The following CNNM2 variants were observed in gnomAD, a reference collection of about 807,000 sequenced individuals.
The protein encoded by CNNM2 is metal transporter CNNM2.
CNNM2 carries 12 observed loss-of-function variants against 66.9 expected under a neutral mutation model. The ratio of observed to expected loss-of-function variants is 0.18; its 90% CI spans 0.11 to 0.29. The LOEUF (loss-of-function observed/expected upper bound fraction) is 0.29. CNNM2 is among the 10% of genes least tolerant of loss of function. The probability of loss-of-function intolerance (pLI) is 1.00; values close to 1 mark genes in which losing one functional copy is unlikely to be tolerated. For missense variants in CNNM2, 705 were observed against 1,167.7 expected (o/e 0.60, Z 5.77); for synonymous variants, 557 against 501.8 (o/e 1.11, Z -1.47).
intron 1 of CNNM2, among the ~76,000 whole-genome samples, chr10:102,981,128 G>T (rs917721064): frequency 6.6e-6 from 1 of 151,936 alleles, no homozygotes; most frequent in African/African-American, 2.4e-5. Flanking sequence ...ACAGGTGATC[G>T]CTTGAGTCCA....
At chr10:102,995,795 C>T (rs567659368) in intron 1 of CNNM2, among the ~76,000 whole-genome samples, 3 of 151,698 alleles carry the variant, frequency 2.0e-5, no homozygotes, top group Non-Finnish European at 4.4e-5. Context: ...GGCGTGATCT[C>T]GGCTCACCAC....
At chr10:102,945,361 G>A (rs186465286) in intron 1 of CNNM2, among the ~76,000 whole-genome samples, 1 of 152,242 alleles carries the variant, frequency 6.6e-6, no homozygotes, top group Non-Finnish European at 1.5e-5. Flanking sequence ...TTCTTATCTA[G>A]TGCTATTTCC....
chr10:103,031,364 A>C (rs1208737068), intron 1 of CNNM2, among the ~76,000 whole-genome samples: 1 of 151,650 alleles, frequency 6.6e-6, no homozygotes, highest in Non-Finnish European at 1.5e-5. Context: ...GTGGATATAC[A>C]CTTTGTTTGA....
At position 103,081,725 on chromosome 10, in the gene CNNM2, T is replaced by C. The variant is rs2065759503; in HGVS notation, c.*4545T>C. The C allele has an allele frequency of 6.6e-6, 1 of 152,252 alleles. No individual in the cohort carries two copies. Among genetic ancestry groups the C allele is most frequent in the Admixed American group, 6.5e-5 (1 of 15,286 alleles). The allele number at this position is 152,252 out of a possible 1,614,324, so 9.4% of individuals were successfully genotyped here. ...GCACTTGCAAGCTTTCTGTCTGCGA[T>C]CACGGTTTACTTGCCCATTTCCCTT... On this transcript the variant is annotated 3_prime_UTR_variant, in exon 8 of 8. Coordinates refer to ENST00000369878, the MANE Select transcript of CNNM2 (RefSeq NM_017649.5).
chr10:103,031,137 T>G (rs944264458), intron 1 of CNNM2, among the ~76,000 whole-genome samples: 1 of 152,202 alleles, frequency 6.6e-6, no homozygotes, highest in African/African-American at 2.4e-5. Context: ...AAGCTAAAGC[T>G]TAAGTGCTCA....
chr10:102,946,497 C>A (rs552878019), intron 1 of CNNM2, among the ~76,000 whole-genome samples: 2 of 152,158 alleles, frequency 1.3e-5, no homozygotes, highest in East Asian at 3.9e-4. Context: ...AAGTCTCTCA[C>A]GGGGGTAATT....
chr10:102,999,378 G>A (rs1377271108), intron 1 of CNNM2, among the ~76,000 whole-genome samples: 4 of 151,326 alleles, frequency 2.6e-5, no homozygotes, highest in Non-Finnish European at 4.4e-5. Flanking sequence ...CACTGCACCC[G>A]GCCAAAAATT....
Position 103,036,909 on chromosome 10 carries a change from G to A in CNNM2, c.1622-12798G>A, listed in dbSNP as rs532909312. On this transcript the variant is annotated intron_variant, in intron 1 of 7. Coordinates refer to ENST00000369878, the MANE Select transcript of CNNM2 (RefSeq NM_017649.5). The stretch of plus-strand genomic sequence containing the variant: ...GGGTATGGCTATAAAAGGGAAATAG[G>A]AAGGTCATTGTGGTGGTAGAAGTGT... Among the ~76,000 whole-genome samples the A allele has an allele frequency of 1.1e-4, 16 of 152,230 alleles. No homozygotes were observed. The South Asian group carries it at 3.3e-3, about 32-fold the overall frequency.
chr10:103,026,150 A>G (rs1175245954), intron 1 of CNNM2, among the ~76,000 whole-genome samples: 2 of 152,206 alleles, frequency 1.3e-5, no homozygotes, highest in Admixed American at 6.5e-5. Context: ...TCCAAACTGT[A>G]AGAAATCTGT....
intron 1 of CNNM2, among the ~76,000 whole-genome samples, chr10:102,935,478 ATCTT>A (rs1846204808): frequency 6.6e-6 from 1 of 151,986 alleles, no homozygotes; most frequent in African/African-American, 2.4e-5. Context: ...CTTTTGTAGT[ATCTT>A]TCTTCTCCAC....
At chr10:103,010,416 G>C (rs567918730) in intron 1 of CNNM2, among the ~76,000 whole-genome samples, 1 of 151,284 alleles carries the variant, frequency 6.6e-6, no homozygotes, top group Admixed American at 6.6e-5. Flanking sequence ...TTTTTGTAGA[G>C]ATGGGGTTTC....
intron 1 of CNNM2, among the ~76,000 whole-genome samples, chr10:103,043,076 G>A (rs928799608): frequency 6.6e-6 from 1 of 152,162 alleles, no homozygotes; most frequent in African/African-American, 2.4e-5. Context: ...ACAACTTCAG[G>A]GAAACATGAA....
chr10:102,965,993 C>G (rs200011695), intron 1 of CNNM2, among the ~76,000 whole-genome samples: 6 of 152,192 alleles, frequency 3.9e-5, no homozygotes, highest in Middle Eastern at 3.4e-3. Context: ...TGCCAGAAAG[C>G]CTTTCCTTCT....
Position 103,049,688 on chromosome 10 carries a change from C to CT in CNNM2, c.1622-14dup, listed in dbSNP as rs758121261. ...AAAATTCAGAAAGTCACTTCCTAAACTTTTTCTTGTCTCTAAAGGTAAATC... is the reference window on the plus strand; with the variant it reads ...AAAATTCAGAAAGTCACTTCCTAAACTTTTTTCTTGTCTCTAAAGGTAAATC... On this transcript the variant is annotated intron_variant, in intron 1 of 7. Transcript: ENST00000369878. The CT allele has an allele frequency of 1.2e-6, 2 of 1,602,662 alleles. No homozygotes were observed. The highest frequency in any genetic ancestry group is 2.7e-5 in the African/African-American group (2 of 74,436).
At chr10:102,924,504 G>A (rs760278208) in intron 1 of CNNM2, among the ~76,000 whole-genome samples, 63 of 152,134 alleles carry the variant, frequency 4.1e-4, no homozygotes, top group Non-Finnish European at 7.4e-4. Context: ...TAAGATATTA[G>A]GTAATTTCTT....
At chr10:102,925,829 G>T (rs1237546641) in intron 1 of CNNM2, among the ~76,000 whole-genome samples, 2 of 152,106 alleles carry the variant, frequency 1.3e-5, no homozygotes, top group Non-Finnish European at 2.9e-5. Flanking sequence ...TTAATTTTAT[G>T]TTTTATTTTT....
intron 6 of CNNM2, among the ~76,000 whole-genome samples, chr10:103,072,228 G>T (rs1036368042): frequency 6.6e-6 from 1 of 152,144 alleles, no homozygotes; most frequent in Non-Finnish European, 1.5e-5. Context: ...GGCCCTGAGG[G>T]CCTCAAACCC....
chr10:102,972,450 C>A (rs370995159), intron 1 of CNNM2, among the ~76,000 whole-genome samples: 49 of 152,182 alleles, frequency 3.2e-4, no homozygotes, highest in African/African-American at 1.2e-3. Flanking sequence ...TCCTGGCTAA[C>A]ATGGTGAAAC....
chr10:103,017,093 C>A (rs2064467783), intron 1 of CNNM2, among the ~76,000 whole-genome samples: 1 of 151,922 alleles, frequency 6.6e-6, no homozygotes, highest in Non-Finnish European at 1.5e-5. Flanking sequence ...TGAGGCCCAA[C>A]AATACTTGGA....
Sources: allele counts gnomAD v4.1 joint callset (sites outside exome capture counted in the v4.1 genomes callset), GRCh38; gene constraint gnomAD v4.1.1; transcripts MANE v1.5; gene names NCBI Gene and HGNC (gene_info 2026-07-23, HGNC 2026-07-21).